The following PHTF2 variants were observed in gnomAD, a reference collection of about 807,000 sequenced individuals.
The protein encoded by PHTF2 is protein PHTF2.
PHTF2 carries 60 observed loss-of-function variants against 101.2 expected under a neutral mutation model. The observed-to-expected ratio is 0.59, with a 90% CI of 0.48 to 0.73. The LOEUF (loss-of-function observed/expected upper bound fraction) is 0.73. PHTF2 is among the 30% of genes least tolerant of loss of function. The pLI is 0.00. For synonymous variants in PHTF2, 311 were observed against 307.3 expected (o/e 1.01, Z -0.13); for missense variants, 747 against 908.7 (o/e 0.82, Z 2.29).
intron 1 of PHTF2, among the ~76,000 whole-genome samples, chr7:77,814,430 A>G (rs1287003767): frequency 7.9e-5 from 12 of 151,960 alleles, no homozygotes; most frequent in Non-Finnish European, 1.5e-5. Flanking sequence ...CTTACCTAAC[A>G]CAGTATTTTC....
chr7:77,830,128 A>G (rs1340391650), intron 1 of PHTF2, among the ~76,000 whole-genome samples: 2 of 152,168 alleles, frequency 1.3e-5, no homozygotes, highest in Non-Finnish European at 2.9e-5. Context: ...ACTGCTCTCA[A>G]AGAACGTGTG....
chr7:77,907,612 CT>C (rs1478867317), intron 7 of PHTF2, among the ~76,000 whole-genome samples: 2 of 152,152 alleles, frequency 1.3e-5, no homozygotes, highest in Non-Finnish European at 1.5e-5. Context: ...TCAAAAGTGT[CT>C]TGGTTTAGAT....
intron 1 of PHTF2, among the ~76,000 whole-genome samples, chr7:77,822,460 G>T (rs147252780): frequency 2.0e-4 from 31 of 152,278 alleles, no homozygotes; most frequent in Non-Finnish European, 4.1e-4. Flanking sequence ...GGTGGGGGAG[G>T]GGAGTGTGCA....
At chr7:77,950,124 G>A (rs193186778) in intron 17 of PHTF2, among the ~76,000 whole-genome samples, 34 of 152,234 alleles carry the variant, frequency 2.2e-4, no homozygotes, top group African/African-American at 7.5e-4. Context: ...TTGCAGTGTA[G>A]CAGAGCCGCA....
intron 16 of PHTF2, among the ~76,000 whole-genome samples, chr7:77,943,562 A>G (rs1805809929): frequency 2.0e-5 from 3 of 152,200 alleles, no homozygotes; most frequent in South Asian, 4.1e-4. Flanking sequence ...ATGCAGGGGA[A>G]CATGTTCTCA....
chr7:77,862,545 T>G (rs1797730864), intron 3 of PHTF2, among the ~76,000 whole-genome samples: 1 of 152,226 alleles, frequency 6.6e-6, no homozygotes, highest in Admixed American at 6.5e-5. Flanking sequence ...AGTAGTAGTT[T>G]ACACAGGTAT....
At chr7:77,915,163 C>T (rs1048324729) in intron 9 of PHTF2, among the ~76,000 whole-genome samples, 2 of 151,884 alleles carry the variant, frequency 1.3e-5, no homozygotes, top group African/African-American at 4.8e-5. Context: ...CCTGCTTTGG[C>T]CTCCCAAAGT....
exon 7 of PHTF2, chr7:77,901,884 A>G (rs1224561138): frequency 6.3e-7 from 1 of 1,598,660 alleles, no homozygotes; most frequent in South Asian, 1.1e-5. Context: ...ATCAAAGGTC[A>G]TCTTTTTCTG....
At chr7:77,887,755 A>G (rs1799997414) in intron 3 of PHTF2, among the ~76,000 whole-genome samples, 1 of 152,186 alleles carries the variant, frequency 6.6e-6, no homozygotes, top group Admixed American at 6.5e-5. Flanking sequence ...GGAACCAGGA[A>G]TGGAAAAGCT....
At chr7:77,909,073 C>A in intron 8 of PHTF2, 115 bp downstream of exon 7, 2 of 554,788 alleles carry the variant, frequency 3.6e-6, no homozygotes, top group Non-Finnish European at 5.8e-6. Flanking sequence ...GTTGCTGTTT[C>A]AAAAAAACAC....
chr7:77,936,639 A>C (rs1443059356), intron 12 of PHTF2, among the ~76,000 whole-genome samples: 1 of 151,756 alleles, frequency 6.6e-6, no homozygotes, highest in Non-Finnish European at 1.5e-5. Context: ...GCACCATTGC[A>C]CTCCAGCCTG....
At chr7:77,880,649 C>T (rs1031516481) in intron 3 of PHTF2, among the ~76,000 whole-genome samples, 9 of 152,068 alleles carry the variant, frequency 5.9e-5, no homozygotes, top group African/African-American at 1.9e-4. Context: ...GGATTGATAC[C>T]CCATGCCTGG....
At chr7:77,820,732 G>A (rs927156098) in intron 1 of PHTF2, among the ~76,000 whole-genome samples, 1 of 152,094 alleles carries the variant, frequency 6.6e-6, no homozygotes, top group African/African-American at 2.4e-5. Context: ...TCTCCTTTTT[G>A]ATTAAATGGG....
At chr7:77,854,175 C>G (rs1002884135) in intron 2 of PHTF2, among the ~76,000 whole-genome samples, 10 of 152,198 alleles carry the variant, frequency 6.6e-5, no homozygotes, top group Admixed American at 5.9e-4. Context: ...GCAACCCAAG[C>G]TTGGTAATGC....
At chr7:77,927,736 T>C (rs541837143) in intron 11 of PHTF2, among the ~76,000 whole-genome samples, 11 of 152,318 alleles carry the variant, frequency 7.2e-5, no homozygotes, top group African/African-American at 2.6e-4. Flanking sequence ...AACAGCTTTT[T>C]AAAGGAGTGC....
intron 2 of PHTF2, among the ~76,000 whole-genome samples, chr7:77,844,117 C>T (rs1281736041): frequency 4.6e-5 from 7 of 152,122 alleles, no homozygotes; most frequent in Admixed American, 4.6e-4. Context: ...CCTGCCTCAG[C>T]CCCCCAAGTA....
At chr7:77,882,345 A>T (rs1799488890) in intron 3 of PHTF2, among the ~76,000 whole-genome samples, 2 of 150,068 alleles carry the variant, frequency 1.3e-5, no homozygotes, top group South Asian at 4.2e-4. Flanking sequence ...CAACCAAAAG[A>T]TTTCAAATCT....
intron 1 of PHTF2, among the ~76,000 whole-genome samples, chr7:77,820,860 T>C (rs1794231621): frequency 6.6e-6 from 1 of 152,232 alleles, no homozygotes. Flanking sequence ...TTGTTTATTT[T>C]TGTGGTTGGG....
intron 1 of PHTF2, among the ~76,000 whole-genome samples, chr7:77,829,731 G>T (rs1183439054): frequency 6.6e-6 from 1 of 152,200 alleles, no homozygotes; most frequent in Non-Finnish European, 1.5e-5. Flanking sequence ...TTTGGTTGTG[G>T]TGAAGGCAAC....
Sources: gnomAD v4.1 joint callset for allele counts (sites outside exome capture counted in the v4.1 genomes callset) on GRCh38, gnomAD v4.1.1 for gene constraint, MANE v1.5 for transcripts, NCBI Gene and HGNC (gene_info 2026-07-23, HGNC 2026-07-21) for gene names.